The following ZNF136 variants were observed in gnomAD, a reference collection of about 807,000 sequenced individuals.
ZNF136 encodes zinc finger protein 136.
In ZNF136, 8 loss-of-function variants were observed where a neutral mutation model predicts 11.4. The observed-to-expected ratio is 0.70, with a 90% CI of 0.41 to 1.27. The LOEUF is 1.27. Among genes scored for constraint, ZNF136 ranks in the 50% most tolerant of loss-of-function variants. The pLI is 0.01. For missense variants in ZNF136, 590 were observed against 656.5 expected (o/e 0.90, Z 1.11); for synonymous variants, 190 against 207.1 (o/e 0.92, Z 0.71).
At chr19:12,168,718 C>A (rs1198761064) in intron 1 of ZNF136, among the ~76,000 whole-genome samples, 1 of 151,930 alleles carries the variant, frequency 6.6e-6, no homozygotes, top group Non-Finnish European at 1.5e-5. Flanking sequence ...TCTTGTTGCC[C>A]AGGCTGGAAT....
At chr19:12,184,312 G>A (rs1255463810) in intron 1 of ZNF136, among the ~76,000 whole-genome samples, 3 of 151,678 alleles carry the variant, frequency 2.0e-5, no homozygotes, top group Non-Finnish European at 4.4e-5. Context: ...TGTAATCCCA[G>A]CACTTTGGGA....
At chr19:12,184,499 T>G (rs536951801) in intron 1 of ZNF136, 3 of 149,830 alleles carry the variant, frequency 2.0e-5, no homozygotes, top group Non-Finnish European at 3.0e-5. Flanking sequence ...AAGCGGAGCT[T>G]GCAGTGAGCC....
intron 1 of ZNF136, among the ~76,000 whole-genome samples, chr19:12,182,145 G>A (rs1015422064): frequency 9.2e-5 from 14 of 152,200 alleles, no homozygotes; most frequent in African/African-American, 3.4e-4. Flanking sequence ...GAAGGCAGTG[G>A]ATGACAGTTT....
At chr19:12,168,873 T>C (rs1914562471) in intron 1 of ZNF136, among the ~76,000 whole-genome samples, 2 of 152,044 alleles carry the variant, frequency 1.3e-5, no homozygotes, top group African/African-American at 4.8e-5. Flanking sequence ...AGATGGGGTT[T>C]TACCATGTTG....
chr19:12,174,562 C>T (rs1455910346), intron 1 of ZNF136, among the ~76,000 whole-genome samples: 2 of 152,224 alleles, frequency 1.3e-5, no homozygotes, highest in Non-Finnish European at 2.9e-5. Context: ...AAGAACCTCC[C>T]TATCTTAGTC....
In ZNF136 at chr19:12,186,697, T is replaced by G; in HGVS notation, c.319T>G (p.Tyr107Asp). The change falls in exon 4 of 4, where the codon TAT becomes GAT. Residue 107 changes from tyrosine (Y) to aspartate (D), a missense_variant. Transcript: ENST00000343979. The stretch of plus-strand genomic sequence containing the variant: ...AGTGAAACTCTGTGAAAGCATTGTA[T>G]ATGGAGAAGTCAGCATGGGTCAGTC... ...PGVKLCESIVYGEVSMGQSSL... is the reference protein window; with the variant it reads ...PGVKLCESIVDGEVSMGQSSL... 6.2e-7 allele frequency: 1 copy of G among 1,614,102 alleles called. No individual in the cohort carries two copies. The highest frequency in any genetic ancestry group is 1.7e-5 in the Admixed American group (1 of 60,010).
intron 1 of ZNF136, chr19:12,184,988 T>C (rs1915047380): frequency 6.6e-6 from 1 of 152,212 alleles, no homozygotes; most frequent in Admixed American, 6.6e-5. Context: ...CAGGGAAGAA[T>C]TCAAGGGCAG....
At chr19:12,172,246 G>C (rs556619578) in intron 1 of ZNF136, among the ~76,000 whole-genome samples, 64 of 152,216 alleles carry the variant, frequency 4.2e-4, no homozygotes, top group Non-Finnish European at 4.4e-4. Flanking sequence ...ACTGTGCCTG[G>C]CTGCTTTTGT....
intron 1 of ZNF136, 193 bp from the exon 2 acceptor site, chr19:12,185,592 C>A: frequency 1.6e-6 from 1 of 617,090 alleles, no homozygotes; most frequent in Non-Finnish European, 2.6e-6. Context: ...TGATCAGACA[C>A]TGCTATTGTT....
chr19:12,183,148 T>G (rs1347017609), intron 1 of ZNF136, among the ~76,000 whole-genome samples: 2 of 145,782 alleles, frequency 1.4e-5, no homozygotes, highest in South Asian at 2.1e-4. Context: ...TGTTGTTTTG[T>G]TTTTTTTTGG....
Position 12,186,825 on chromosome 19 carries a change from C to A in ZNF136, c.447C>A (p.Phe149Leu). The A allele has an allele frequency of 6.2e-7, 1 of 1,614,142 alleles. No homozygotes were observed. The highest frequency in any genetic ancestry group is 8.5e-7 in the Non-Finnish European group (1 of 1,180,012). ...PDTRNQCWKP[F>L]SSHHSFRTHE... Reference sequence around the variant, plus strand: ...CACGTAACCAGTGTTGGAAACCCTTCAGTTCTCACCACTCCTTTCGAACAC... The same window carrying A: ...CACGTAACCAGTGTTGGAAACCCTTAAGTTCTCACCACTCCTTTCGAACAC... The change falls in exon 4 of 4, where the codon TTC (phenylalanine) becomes TTA (leucine). Residue 149 changes from phenylalanine to leucine, a missense_variant. By Grantham distance (22) the Phe-to-Leu change is conservative (BLOSUM62 0). Transcript: ENST00000343979.
At position 12,187,924 on chromosome 19, in the gene ZNF136, C is replaced by A; in HGVS notation, c.1546C>A (p.Arg516Ser). ...CKECGKAYSCRASFQRHMLTH... is the reference protein window; with the variant it reads ...CKECGKAYSCSASFQRHMLTH... ...GGAATGTGGGAAAGCCTATTCTTGCCGTGCCAGCTTTCAGAGACACATGTT... is the reference window on the plus strand; with the variant it reads ...GGAATGTGGGAAAGCCTATTCTTGCAGTGCCAGCTTTCAGAGACACATGTT... Residue 516 changes from arginine to serine, a missense_variant, in exon 4 of 4, where the codon CGT becomes AGT. Arg to Ser is a moderately radical substitution (Grantham distance 110). Coordinates refer to ENST00000343979, the MANE Select transcript of ZNF136 (RefSeq NM_003437.5). The A allele has an allele frequency of 6.4e-7, 1 of 1,573,438 alleles. No individual in the cohort carries two copies. Among genetic ancestry groups the A allele is most frequent in the Non-Finnish European group, 8.6e-7 (1 of 1,165,970 alleles).
chr19:12,185,756 C>T, intron 1 of ZNF136, 29 bp from the exon 2 acceptor site: 1 of 1,606,508 alleles, frequency 6.2e-7, no homozygotes, highest in Non-Finnish European at 8.5e-7. Context: ...CTCACCCATT[C>T]TCCTCTCCAC....
chr19:12,184,284 G>A (rs1423596355), intron 1 of ZNF136, among the ~76,000 whole-genome samples: 3 of 151,862 alleles, frequency 2.0e-5, no homozygotes, highest in Non-Finnish European at 4.4e-5. Context: ...AAGAGGGCTG[G>A]GTGTGGTGGC....
At chr19:12,164,173 T>TG (rs1455840310) in intron 1 of ZNF136, among the ~76,000 whole-genome samples, 1 of 152,164 alleles carries the variant, frequency 6.6e-6, no homozygotes, top group East Asian at 1.9e-4. Flanking sequence ...AGCCAACCTC[T>TG]GGGGGCACTC....
At chr19:12,179,050 G>A (rs1486571462) in intron 1 of ZNF136, among the ~76,000 whole-genome samples, 1 of 151,480 alleles carries the variant, frequency 6.6e-6, no homozygotes, top group East Asian at 1.9e-4. Context: ...AATATTCTGT[G>A]CATACAATTT....
chr19:12,187,012 C>T lies in ZNF136; in HGVS notation c.634C>T (p.Arg212Ter), dbSNP rs762599763. The T allele has an allele frequency of 1.9e-5, 30 of 1,613,964 alleles. No homozygotes were observed. Among genetic ancestry groups the T allele is most frequent in the Admixed American group, 3.3e-5 (2 of 59,988 alleles). ...AGCTTTTGATTATCCCAGTAGATTTCGAACACATGAAAGAAGTCACACTGG... is the reference window on the plus strand; with the variant it reads ...AGCTTTTGATTATCCCAGTAGATTTTGAACACATGAAAGAAGTCACACTGG... ...GKAFDYPSRF[R>*]THERSHTGEK... The change falls in exon 4 of 4, where the codon CGA (arginine) becomes TGA (stop). Residue 212 changes from arginine (R) to a stop codon, truncating the protein, a stop_gained. Transcript: ENST00000343979. LOFTEE classifies it low-confidence loss of function (END_TRUNC).
intron 1 of ZNF136, among the ~76,000 whole-genome samples, chr19:12,169,703 G>A (rs1914591121): frequency 1.3e-5 from 2 of 152,074 alleles, no homozygotes; most frequent in South Asian, 4.2e-4. Context: ...CAGCCTCCCG[G>A]GTTCATGCGA....
At position 12,186,098 on chromosome 19, in the gene ZNF136, T is replaced by G. The variant is rs757342113; in HGVS notation, c.131-16T>G. 12 of 1,604,882 alleles carry G rather than the reference T, an allele frequency of 7.5e-6. No homozygotes were observed. The South Asian group carries it at 1.4e-4, about 18-fold the overall frequency. On this transcript the variant is annotated splice_polypyrimidine_tract_variant and intron_variant, in intron 2 of 3. Transcript: ENST00000343979. ...ATTTTGCACTAATTCAGAATTTTTC[T>G]GGGTCTCTGTTTTAGGGAAAAAATG... is the stretch of plus-strand genomic sequence containing the variant.
Sources: gnomAD v4.1 joint callset for allele counts (sites outside exome capture counted in the v4.1 genomes callset) on GRCh38, gnomAD v4.1.1 for gene constraint, MANE v1.5 for transcripts, NCBI Gene and HGNC (gene_info 2026-07-23, HGNC 2026-07-21) for gene names.